SENP1: variants seen among roughly 807,000 people sequenced by gnomAD.
SENP1 encodes SUMO specific peptidase 1, also known as sentrin-specific protease 1.
SENP1 carries 21 observed loss-of-function variants against 93.0 expected under a neutral mutation model. That is an observed-to-expected ratio of 0.23 (90% confidence interval 0.16 to 0.33). SENP1 has a LOEUF of 0.33. Among genes scored for constraint, SENP1 ranks in the 10% least tolerant of loss-of-function variants. The pLI is 1.00. For missense variants in SENP1, 591 were observed against 758.7 expected (o/e 0.78, Z 2.60); for synonymous variants, 256 against 259.6 (o/e 0.99, Z 0.13).
intron 9 of SENP1, among the ~76,000 whole-genome samples, chr12:48,067,996 G>A (rs1298970273): frequency 6.6e-6 from 1 of 152,022 alleles, no homozygotes; most frequent in Non-Finnish European, 1.5e-5. Flanking sequence ...GAGTAGCTGG[G>A]ATTACAGGCA....
intron 1 of SENP1, chr12:48,105,621 A>T (rs1946479792): frequency 6.8e-6 from 3 of 443,608 alleles, no homozygotes; most frequent in Non-Finnish European, 1.3e-5. Context: ...TGAAGCCGGT[A>T]CCACAGAAAG....
chr12:48,067,049 T>C (rs1241038544), intron 9 of SENP1, 84 bp from the exon 10 acceptor site: 6 of 893,380 alleles, frequency 6.7e-6, no homozygotes, highest in Non-Finnish European at 1.1e-5. Flanking sequence ...AAAACAATCA[T>C]TTAAATTGTT....
chr12:48,069,049 A>G (rs890797143), intron 9 of SENP1, among the ~76,000 whole-genome samples: 1 of 142,570 alleles, frequency 7.0e-6, no homozygotes, highest in African/African-American at 2.6e-5. Context: ...GCTACCCTGG[A>G]GGGTAAGGCA....
chr12:48,072,946 C>A (rs574642675), intron 8 of SENP1, among the ~76,000 whole-genome samples: 30 of 148,912 alleles, frequency 2.0e-4, no homozygotes, highest in Non-Finnish European at 3.7e-4. Context: ...ATCTACAATG[C>A]GACTGAATTA....
At position 48,065,113 on chromosome 12, in the gene SENP1, T is replaced by A. The variant is rs192825742; in HGVS notation, c.1227A>T (p.Lys409Asn). 710 of 1,585,508 alleles carry A rather than the reference T, an allele frequency of 4.5e-4. 1 individual carries two copies. The highest frequency in any genetic ancestry group is 7.4e-4 in the Admixed American group (44 of 59,416). ...CTTCACTATCAGTTAATTTATGACC[T>A]TTTTTTTGTGTTTCTTGGACAACAG... Reference protein sequence around the residue: ...PVTVVQETQKKGHKLTDSEDE... With the variant: ...PVTVVQETQKNGHKLTDSEDE... The change falls in exon 12 of 18, where the codon AAA (lysine) becomes AAT (asparagine). Residue 409 changes from lysine (K) to asparagine (N), a missense_variant. Lys to Asn is a moderately conservative substitution (Grantham distance 94). Around this residue, in one of 4 missense-constraint regions of SENP1, gnomAD observed 238 missense variants for 259.1 expected, o/e 0.92. Coordinates refer to ENST00000549518, the MANE Select transcript of SENP1 (RefSeq NM_001267594.2).
At chr12:48,065,439 G>C (rs927536858) in intron 11 of SENP1, among the ~76,000 whole-genome samples, 157 bp downstream of exon 11, 9 of 152,198 alleles carry the variant, frequency 5.9e-5, no homozygotes, top group African/African-American at 2.2e-4. Flanking sequence ...GCACTGACTG[G>C]ACAGACCAAG....
chr12:48,069,012 G>C (rs183407193), intron 9 of SENP1, among the ~76,000 whole-genome samples: 1 of 151,966 alleles, frequency 6.6e-6, no homozygotes, highest in African/African-American at 2.4e-5. Context: ...AATTAGCTGG[G>C]TGTGGTGGCA....
At position 48,066,907 on chromosome 12, in the gene SENP1, T is replaced by C; in HGVS notation, c.1034+20A>G. 6.5e-7 allele frequency: 1 copy of C among 1,533,818 alleles called. No homozygotes were observed. Among genetic ancestry groups the C allele is most frequent in the Non-Finnish European group, 8.9e-7 (1 of 1,128,402 alleles). ...AAATGAACTGATTGAGAAGGAAAAA[T>C]GATACCAAAAATAACTTACAATTCT... On this transcript the variant is annotated intron_variant, in intron 10 of 17. Coordinates refer to ENST00000549518, the MANE Select transcript of SENP1 (RefSeq NM_001267594.2).
At chr12:48,050,519 C>T (rs760430318) in intron 13 of SENP1, among the ~76,000 whole-genome samples, 4 of 152,222 alleles carry the variant, frequency 2.6e-5, no homozygotes, top group Non-Finnish European at 5.9e-5. Flanking sequence ...CAGGCCCAGT[C>T]AGCCCAAAGG....
intron 15 of SENP1, among the ~76,000 whole-genome samples, chr12:48,047,599 T>C (rs1051275294): frequency 4.6e-5 from 7 of 152,144 alleles, no homozygotes; most frequent in African/African-American, 1.2e-4. Context: ...CAGTGAGGAA[T>C]AGGTATTTTG....
intron 6 of SENP1, among the ~76,000 whole-genome samples, chr12:48,081,736 A>G (rs1484704423): frequency 2.0e-5 from 3 of 151,494 alleles, no homozygotes; most frequent in Non-Finnish European, 4.4e-5. Flanking sequence ...ACACCCAGCT[A>G]ATTTTTTTTT....
chr12:48,065,486 T>C (rs901505829), intron 11 of SENP1, 110 bp downstream of exon 11: 3 of 715,958 alleles, frequency 4.2e-6, no homozygotes, highest in African/African-American at 3.6e-5. Context: ...TATGCTACCA[T>C]ACGATCTTGG....
chr12:48,092,351 G>C (rs888909693), intron 4 of SENP1, among the ~76,000 whole-genome samples: 3 of 152,216 alleles, frequency 2.0e-5, no homozygotes, highest in Non-Finnish European at 4.4e-5. Context: ...CCAAAGGAGA[G>C]AGCATAATTG....
chr12:48,050,719 A>C (rs927887585), intron 13 of SENP1, among the ~76,000 whole-genome samples: 16 of 152,326 alleles, frequency 1.1e-4, no homozygotes, highest in Admixed American at 7.2e-4. Context: ...GGCAGCCATA[A>C]ATGCAGTAGG....
intron 13 of SENP1, among the ~76,000 whole-genome samples, chr12:48,058,795 C>T (rs1299946162): frequency 6.6e-6 from 1 of 152,162 alleles, no homozygotes; most frequent in African/African-American, 2.4e-5. Context: ...CTTCTTCCGC[C>T]TGAAGAACAC....
At chr12:48,066,742 C>T (rs953592328) in intron 10 of SENP1, among the ~76,000 whole-genome samples, 185 bp downstream of exon 10, 22 of 152,072 alleles carry the variant, frequency 1.4e-4, no homozygotes, top group African/African-American at 5.3e-4. Context: ...GAACTCCTGA[C>T]CTCAGATGAT....
intron 6 of SENP1, among the ~76,000 whole-genome samples, chr12:48,079,118 C>T (rs1289197522): frequency 6.6e-6 from 1 of 151,974 alleles, no homozygotes; most frequent in Non-Finnish European, 1.5e-5. Flanking sequence ...CCACTGCATT[C>T]CAGCCTGGGT....
intron 12 of SENP1, among the ~76,000 whole-genome samples, chr12:48,064,777 A>G (rs552305240): frequency 3.9e-5 from 6 of 152,242 alleles, no homozygotes; most frequent in African/African-American, 1.4e-4. Flanking sequence ...CCCGGGTTCA[A>G]GCAATTCTCC....
At chr12:48,072,153 A>G (rs1565771774) in intron 8 of SENP1, among the ~76,000 whole-genome samples, 1 of 152,234 alleles carries the variant, frequency 6.6e-6, no homozygotes, top group Non-Finnish European at 1.5e-5. Context: ...AGAAATAATT[A>G]GTAAATTTTA....
Sources: allele counts gnomAD v4.1 joint callset (sites outside exome capture counted in the v4.1 genomes callset), GRCh38; gene constraint gnomAD v4.1.1; regional missense constraint gnomAD v4.1.1; transcripts MANE v1.5; gene names NCBI Gene and HGNC (gene_info 2026-07-23, HGNC 2026-07-21).